Variants in USP15 observed in about 807,000 individuals in gnomAD.
USP15 encodes ubiquitin specific peptidase 15.
A neutral mutation model predicts 127.1 loss-of-function variants in USP15; 18 were observed. The observed-to-expected ratio is 0.14, with a 90% CI of 0.10 to 0.21. The LOEUF (loss-of-function observed/expected upper bound fraction) is 0.21. Among genes scored for constraint, USP15 ranks in the 10% least tolerant of loss-of-function variants. USP15 has a pLI of 1.00. For missense variants in USP15, 805 were observed against 1,159.9 expected (o/e 0.69, Z 4.44); for synonymous variants, 364 against 393.7 (o/e 0.92, Z 0.89).
intron 6 of USP15, among the ~76,000 whole-genome samples, chr12:62,339,729 T>C (rs2065589465): frequency 6.6e-6 from 1 of 152,208 alleles, no homozygotes. Context: ...ATCCCAGGGA[T>C]GAAGCTCACT....
chr12:62,275,854 A>C (rs1274608352), intron 1 of USP15, among the ~76,000 whole-genome samples: 1 of 152,098 alleles, frequency 6.6e-6, no homozygotes, highest in Non-Finnish European at 1.5e-5. Context: ...GTAGGTAGCA[A>C]GGTTGTTCAA....
At position 62,405,124 on chromosome 12, in the gene USP15, T is replaced by G. The variant is rs574941507; in HGVS notation, c.*749T>G. On this transcript the variant is annotated 3_prime_UTR_variant, in exon 22 of 22. Coordinates refer to ENST00000280377, the MANE Select transcript of USP15 (RefSeq NM_001252078.2). ...TCTATTCTTCAGATATTCAAAAACA[T>G]TTTTTGCTTTAAAATGCATATCTTT... The G allele has an allele frequency of 3.0e-4, 45 of 152,260 alleles. No individual in the cohort carries two copies. Among genetic ancestry groups the G allele is most frequent in the Non-Finnish European group, 2.9e-4 (20 of 67,986 alleles). The allele number at this position is 152,260 out of a possible 1,614,324, so 9.4% of individuals were successfully genotyped here.
chr12:62,262,749 A>G (rs1028116115), intron 1 of USP15, among the ~76,000 whole-genome samples: 7 of 152,132 alleles, frequency 4.6e-5, no homozygotes, highest in Admixed American at 1.3e-4. Flanking sequence ...CAAGTGATCC[A>G]CCTCAGCCTC....
chr12:62,320,127 A>G (rs750564721), intron 4 of USP15, among the ~76,000 whole-genome samples: 25 of 152,222 alleles, frequency 1.6e-4, no homozygotes, highest in Non-Finnish European at 2.9e-4. Flanking sequence ...CAGTACTGAT[A>G]AGGCTTGGCT....
At chr12:62,272,019 A>T (rs150976303) in intron 1 of USP15, among the ~76,000 whole-genome samples, 48 of 151,868 alleles carry the variant, frequency 3.2e-4, no homozygotes, top group Admixed American at 1.4e-3. Context: ...TTTTACTGAA[A>T]CCATGAAATT....
chr12:62,387,533 A>T (rs958557729), intron 11 of USP15, among the ~76,000 whole-genome samples: 1 of 152,198 alleles, frequency 6.6e-6, no homozygotes, highest in Non-Finnish European at 1.5e-5. Flanking sequence ...GTTATAAGGA[A>T]AGGGAATTTT....
intron 19 of USP15, among the ~76,000 whole-genome samples, chr12:62,395,154 T>C (rs1273253703): frequency 6.6e-6 from 1 of 152,146 alleles, no homozygotes. Context: ...GTTTTCACTA[T>C]TCCTGTATTT....
intron 6 of USP15, among the ~76,000 whole-genome samples, chr12:62,345,387 G>A (rs1043014848): frequency 4.6e-5 from 7 of 152,110 alleles, no homozygotes; most frequent in Admixed American, 1.3e-4. Context: ...ACCTCAGCCT[G>A]GACTTTATTG....
intron 1 of USP15, among the ~76,000 whole-genome samples, chr12:62,265,119 G>A (rs923224344): frequency 6.6e-6 from 1 of 152,254 alleles, no homozygotes; most frequent in East Asian, 1.9e-4. Context: ...GTCCAGGAAG[G>A]TCCAGAGCTA....
chr12:62,343,640 C>T (rs1392577740), intron 6 of USP15, among the ~76,000 whole-genome samples: 1 of 152,168 alleles, frequency 6.6e-6, no homozygotes, highest in Non-Finnish European at 1.5e-5. Context: ...CTTCCCTTGG[C>T]TGGAGGAGGG....
Position 62,404,366 on chromosome 12 carries a change from C to G in USP15, c.2937C>G (p.His979Gln). Residue 979 changes from histidine to glutamine, a missense_variant, in exon 22 of 22, where the codon CAC (histidine) becomes CAG (glutamine). By Grantham distance (24) the His-to-Gln change is conservative. Around this residue, in one of 11 missense-constraint regions of USP15, gnomAD observed 116 missense variants for 157.2 expected, o/e 0.74. Transcript: ENST00000280377. ...ATATAGAAAATGAAAACTGTATGCA[C>G]ACTAACTAATGAAAGTCCTAGAAGC... ...DNDIENENCM[H>Q]TN is the part of the protein sequence containing the mutation. 1 of 1,596,968 alleles carries G rather than the reference C, an allele frequency of 6.3e-7. No homozygotes were observed. Among genetic ancestry groups the G allele is most frequent in the Non-Finnish European group, 8.5e-7 (1 of 1,170,850 alleles).
At chr12:62,286,561 CAT>C (rs1354494887) in intron 1 of USP15, among the ~76,000 whole-genome samples, 1 of 152,182 alleles carries the variant, frequency 6.6e-6, no homozygotes, top group African/African-American at 2.4e-5. Flanking sequence ...CACTTACACT[CAT>C]ATGTTTATCA....
intron 6 of USP15, among the ~76,000 whole-genome samples, chr12:62,326,977 A>G (rs1281904161): frequency 2.0e-5 from 3 of 151,974 alleles, no homozygotes; most frequent in African/African-American, 7.3e-5. Flanking sequence ...TAAAAATACA[A>G]AAATTAGCCA....
At chr12:62,332,971 C>T (rs1462303859) in intron 6 of USP15, among the ~76,000 whole-genome samples, 3 of 152,154 alleles carry the variant, frequency 2.0e-5, no homozygotes, top group Non-Finnish European at 2.9e-5. Flanking sequence ...ATAGTAAGCA[C>T]TTAGGTGATT....
chr12:62,307,160 C>T (rs1386318914), intron 3 of USP15, among the ~76,000 whole-genome samples: 1 of 152,126 alleles, frequency 6.6e-6, no homozygotes, highest in Non-Finnish European at 1.5e-5. Flanking sequence ...CGCAGAACCA[C>T]TGCCATTTTG....
At chr12:62,401,487 C>A (rs1023500377) in intron 21 of USP15, among the ~76,000 whole-genome samples, 20 of 151,772 alleles carry the variant, frequency 1.3e-4, no homozygotes, top group African/African-American at 4.6e-4. Context: ...GCATAAATTG[C>A]AAGGTGAAAA....
intron 8 of USP15, among the ~76,000 whole-genome samples, chr12:62,360,314 C>T (rs887036353): frequency 5.9e-5 from 9 of 151,914 alleles, no homozygotes; most frequent in Non-Finnish European, 8.8e-5. Flanking sequence ...GGATTTCAAG[C>T]ATTTTTAAGG....
At chr12:62,346,582 T>C (rs975248730) in intron 6 of USP15, among the ~76,000 whole-genome samples, 3 of 152,218 alleles carry the variant, frequency 2.0e-5, no homozygotes, top group Non-Finnish European at 2.9e-5. Context: ...CCACTCTACT[T>C]TCTTAACTCC....
chr12:62,314,643 CT>C, intron 3 of USP15, 146 bp from the exon 4 acceptor site: 6 of 766,904 alleles, frequency 7.8e-6, no homozygotes, highest in African/African-American at 1.8e-5. Flanking sequence ...TATCCAATAT[CT>C]TTTTTTATAT....
Sources: allele counts gnomAD v4.1 joint callset (sites outside exome capture counted in the v4.1 genomes callset), GRCh38; gene constraint gnomAD v4.1.1; regional missense constraint gnomAD v4.1.1; transcripts MANE v1.5; gene names NCBI Gene and HGNC (gene_info 2026-07-23, HGNC 2026-07-21).